The following UEVLD variants were observed in gnomAD, a reference collection of about 807,000 sequenced individuals.
UEVLD encodes UEV and lactate/malate dehyrogenase domains.
In UEVLD, 47 loss-of-function variants were observed where a neutral mutation model predicts 58.6. The ratio of observed to expected loss-of-function variants is 0.80; its 90% CI spans 0.63 to 1.02. The LOEUF (loss-of-function observed/expected upper bound fraction) is 1.02. Among genes scored for constraint, UEVLD ranks in the 50% least tolerant of loss-of-function variants. The pLI, the probability that UEVLD is intolerant of heterozygous loss-of-function variation, is 0.00. For synonymous variants in UEVLD, 197 were observed against 195.3 expected (o/e 1.01, Z -0.07); for missense variants, 510 against 550.6 (o/e 0.93, Z 0.74).
At chr11:18,543,350 A>T (rs1248104891) in intron 9 of UEVLD, among the ~76,000 whole-genome samples, 2 of 152,220 alleles carry the variant, frequency 1.3e-5, no homozygotes, top group Non-Finnish European at 2.9e-5. Flanking sequence ...ATGTAATTTC[A>T]ATTAGATTTA....
At position 18,575,354 on chromosome 11, in the gene UEVLD, C is replaced by G. The variant is rs1041233015; in HGVS notation, c.186G>C (p.Met62Ile). ...TTCAACTTCCACACTTACCCTGATA[C>G]ATCACAGGAATTGTGCCAGTAAAAT... is the stretch of plus-strand genomic sequence containing the variant. ...LLNFTGTIPV[M>I]YQGNTYNIPI... is the part of the protein sequence containing the mutation. The change falls in exon 3 of 12, where the codon ATG becomes ATC. Residue 62 changes from methionine to isoleucine, a missense_variant. Physicochemically the swap from Met to Ile is conservative, Grantham distance 10. Coordinates refer to ENST00000396197, the MANE Select transcript of UEVLD (RefSeq NM_001040697.4). The G allele has an allele frequency of 3.7e-6, 6 of 1,607,040 alleles. No individual in the cohort carries two copies. The highest frequency in any genetic ancestry group is 2.5e-6 in the Non-Finnish European group (3 of 1,178,294).
intron 11 of UEVLD, among the ~76,000 whole-genome samples, chr11:18,533,556 G>T (rs977828776): frequency 6.6e-6 from 1 of 151,752 alleles, no homozygotes; most frequent in Admixed American, 6.6e-5. Flanking sequence ...TGTCTTTCTG[G>T]CACATAAATC....
intron 8 of UEVLD, 126 bp downstream of exon 8, chr11:18,546,754 C>T: frequency 9.8e-7 from 1 of 1,020,096 alleles, no homozygotes; most frequent in Non-Finnish European, 1.4e-6. Flanking sequence ...CCGCCTCAGA[C>T]TCCCAGTGTT....
chr11:18,570,419 G>T, intron 3 of UEVLD, 42 bp from the exon 4 acceptor site: 1 of 1,479,706 alleles, frequency 6.8e-7, no homozygotes, highest in African/African-American at 1.5e-5. Flanking sequence ...CAATAATAAA[G>T]CACACACATT....
chr11:18,555,899 T>A (rs892721149), intron 7 of UEVLD, among the ~76,000 whole-genome samples: 5 of 152,016 alleles, frequency 3.3e-5, no homozygotes, highest in African/African-American at 1.2e-4. Flanking sequence ...CAATAAGCTA[T>A]GATGGCACCG....
chr11:18,536,565 T>C, intron 9 of UEVLD, 96 bp from the exon 10 acceptor site: 1 of 1,026,086 alleles, frequency 9.7e-7, no homozygotes, highest in Non-Finnish European at 1.5e-6. Flanking sequence ...CCTGTGCTAA[T>C]ATTTATATAG....
intron 11 of UEVLD, 41 bp downstream of exon 11, chr11:18,534,289 C>T: frequency 7.2e-7 from 1 of 1,379,952 alleles, no homozygotes; most frequent in Non-Finnish European, 9.6e-7. Context: ...TTAATAATAT[C>T]TAAGTTTAAA....
chr11:18,568,319 A>C (rs1364351217), intron 4 of UEVLD, among the ~76,000 whole-genome samples: 3 of 152,230 alleles, frequency 2.0e-5, no homozygotes, highest in Non-Finnish European at 4.4e-5. Context: ...CAGAGAGAAG[A>C]AACAGGATAC....
At chr11:18,555,365 G>T (rs1287021812) in intron 7 of UEVLD, among the ~76,000 whole-genome samples, 3 of 151,764 alleles carry the variant, frequency 2.0e-5, no homozygotes, top group Non-Finnish European at 4.4e-5. Flanking sequence ...GGTGGAGCTT[G>T]CAGTGAGCCG....
chr11:18,581,365 G>A (rs61208217), intron 1 of UEVLD, among the ~76,000 whole-genome samples: 11,165 of 152,048 alleles, frequency 0.073, 1,060 homozygotes, highest in African/African-American at 0.22. Context: ...CTACATTTCA[G>A]CCTAGAGTCT....
chr11:18,536,895 C>CTT lies in UEVLD; in HGVS notation c.1061-428_1061-427dup, dbSNP rs370747121. On this transcript the variant is annotated intron_variant, in intron 9 of 11. Transcript: ENST00000396197. ...GTTACAGAGGCAGAGAATCCTGTTC[C>CTT]TTTTTTTTTTTTTTTTTTCAGATGG... 7.5e-3 allele frequency: 1,050 copies of CTT among 139,824 alleles called. 5 individuals are homozygous for CTT. Among genetic ancestry groups the CTT allele is most frequent in the Middle Eastern group, 0.024 (7 of 290 alleles). 8.7% of individuals were successfully genotyped at this position (139,824 alleles called of 1,614,324 possible).
intron 11 of UEVLD, 151 bp downstream of exon 11, chr11:18,534,179 G>A (rs1014534433): frequency 1.8e-6 from 1 of 547,646 alleles, no homozygotes; most frequent in Non-Finnish European, 2.9e-6. Flanking sequence ...GCAGGATAGG[G>A]CTTAAACTAA....
chr11:18,579,506 G>A (rs1590373636), intron 1 of UEVLD: 28 of 985,150 alleles, frequency 2.8e-5, no homozygotes, highest in South Asian at 9.4e-5. Flanking sequence ...TTTTTGGCAC[G>A]GCTCATTCAC....
At chr11:18,551,002 C>T (rs1393277741) in intron 7 of UEVLD, among the ~76,000 whole-genome samples, 1 of 152,198 alleles carries the variant, frequency 6.6e-6, no homozygotes, top group Non-Finnish European at 1.5e-5. Flanking sequence ...TTGTACCTGG[C>T]ACTCAAAATC....
chr11:18,564,835 C>A (rs1213097786), intron 6 of UEVLD, 57 bp downstream of exon 6: 5 of 1,263,900 alleles, frequency 4.0e-6, no homozygotes, highest in East Asian at 2.5e-5. Flanking sequence ...TAAAACACAA[C>A]CTGCCTAGAA....
intron 6 of UEVLD, chr11:18,563,562 G>T: frequency 1.6e-6 from 1 of 607,862 alleles, no homozygotes; most frequent in Non-Finnish European, 2.1e-6. Context: ...CTGCATTCCA[G>T]CCTGTGCAAC....
chr11:18,532,295 C>A lies in UEVLD; in HGVS notation c.*25G>T. 6.3e-7 allele frequency: 1 copy of A among 1,576,818 alleles called. No individual in the cohort carries two copies. Among genetic ancestry groups the A allele is most frequent in the South Asian group, 1.2e-5 (1 of 84,620 alleles). On this transcript the variant is annotated 3_prime_UTR_variant, in exon 12 of 12. Transcript: ENST00000396197. ...TGACTTTTCCCTTTAGGTAGAAGTCCAGCCTCTCAAATTGCATTTGAGAAT... is the reference window on the plus strand; with the variant it reads ...TGACTTTTCCCTTTAGGTAGAAGTCAAGCCTCTCAAATTGCATTTGAGAAT...
chr11:18,575,418 A>C lies in UEVLD; in HGVS notation c.128-6T>G. 6.3e-7 allele frequency: 1 copy of C among 1,588,008 alleles called. No individual in the cohort carries two copies. Among genetic ancestry groups the C allele is most frequent in the South Asian group, 1.2e-5 (1 of 86,018 alleles). On this transcript the variant is annotated splice_polypyrimidine_tract_variant and splice_region_variant and intron_variant, in intron 2 of 11. Coordinates refer to ENST00000396197, the MANE Select transcript of UEVLD (RefSeq NM_001040697.4). ...CTGAGAACTATCTTTAAAAACTAGA[A>C]GAAAAAAAAAAAAGCCCCAAAATGT...
At chr11:18,542,890 CTT>C (rs890676886) in intron 9 of UEVLD, among the ~76,000 whole-genome samples, 1 of 125,888 alleles carries the variant, frequency 7.9e-6, no homozygotes, top group Non-Finnish European at 1.6e-5. Context: ...CTTTTCTTTT[CTT>C]TTTTTTTTTT....
Sources: gnomAD v4.1 joint callset for allele counts (sites outside exome capture counted in the v4.1 genomes callset) on GRCh38, gnomAD v4.1.1 for gene constraint, MANE v1.5 for transcripts, NCBI Gene and HGNC (gene_info 2026-07-23, HGNC 2026-07-21) for gene names.